Variants in TTLL13 observed in about 807,000 individuals in gnomAD.
TTLL13 encodes the protein tubulin polyglutamylase TTLL13.
At chr15:90,251,613 G>C in the TTLL13 span, 2 of 1,612,186 alleles carry the variant, frequency 1.2e-6, no homozygotes, top group Non-Finnish European at 1.7e-6. Context: ...CCAGCCCGTC[G>C]CTCACACTGT....
chr15:90,255,938 C>T, the TTLL13 span: 1 of 1,612,242 alleles, frequency 6.2e-7, no homozygotes, highest in Non-Finnish European at 8.5e-7. Flanking sequence ...AAAAGGGTCG[C>T]TCTCAGAGCT....
At chr15:90,252,490 T>A in the TTLL13 span, among the ~76,000 whole-genome samples, 1 of 152,146 alleles carries the variant, frequency 6.6e-6, no homozygotes, top group Admixed American at 6.6e-5. Context: ...CCTTCCCAGA[T>A]TTTACCAGAG....
chr15:90,256,391 C>A, the TTLL13 span: 1 of 1,491,684 alleles, frequency 6.7e-7, no homozygotes, highest in Non-Finnish European at 9.2e-7. Context: ...TGGTCTTAGG[C>A]TTCTACCCTT....
At chr15:90,255,787 C>T in the TTLL13 span, 11 of 1,614,198 alleles carry the variant, frequency 6.8e-6, no homozygotes, top group Non-Finnish European at 9.3e-6. Flanking sequence ...TGACAGAAAT[C>T]TGCCGCAAAG....
the TTLL13 span, chr15:90,258,472 G>A: frequency 0.012 from 7,510 of 628,714 alleles, 279 homozygotes; most frequent in African/African-American, 0.1. Flanking sequence ...GGCCTCTACC[G>A]TAGGAATGCA....
At chr15:90,262,876 T>C in the TTLL13 span, 1 of 1,374,246 alleles carries the variant, frequency 7.3e-7, no homozygotes, top group Non-Finnish European at 9.7e-7. Context: ...GGGATGAGGG[T>C]AGAGTGGGCA....
At chr15:90,261,727 CAG>C in the TTLL13 span, among the ~76,000 whole-genome samples, 1 of 152,180 alleles carries the variant, frequency 6.6e-6, no homozygotes, top group East Asian at 1.9e-4. Context: ...TTACAGTGAG[CAG>C]AGATTGTGCC....
the TTLL13 span, chr15:90,257,774 C>T: frequency 6.4e-7 from 1 of 1,558,652 alleles, no homozygotes; most frequent in Admixed American, 1.7e-5. Context: ...GCCCCACAGT[C>T]CCAGTAGCCC....
At chr15:90,256,298 G>A in the TTLL13 span, 2 of 1,614,122 alleles carry the variant, frequency 1.2e-6, no homozygotes, top group Non-Finnish European at 1.7e-6. Context: ...CATCTCCAAG[G>A]TGAAGGATGC....
At chr15:90,251,027 AC>A in the TTLL13 span, 2 of 1,151,302 alleles carry the variant, frequency 1.7e-6, no homozygotes, top group Non-Finnish European at 2.4e-6. Context: ...AGTGTCATTA[AC>A]CCTTTGATAC....
At chr15:90,256,555 T>TTCTC in the TTLL13 span, among the ~76,000 whole-genome samples, 2 of 38,956 alleles carry the variant, frequency 5.1e-5, no homozygotes, top group Non-Finnish European at 1.0e-4. Context: ...TTTTCTTTCT[T>TTCTC]TCTTTCTTTC....
At chr15:90,256,083 G>T in the TTLL13 span, 1 of 1,593,420 alleles carries the variant, frequency 6.3e-7, no homozygotes, top group Non-Finnish European at 8.6e-7. Context: ...AGCTCCATGC[G>T]GCCCCGGGAA....
chr15:90,254,858 A>T, the TTLL13 span, among the ~76,000 whole-genome samples: 2 of 143,012 alleles, frequency 1.4e-5, no homozygotes, highest in African/African-American at 6.0e-5. Flanking sequence ...GGAAGGGGGA[A>T]AAAAAAAGGA....
chr15:90,265,200 C>A, the TTLL13 span: 31 of 1,343,310 alleles, frequency 2.3e-5, no homozygotes, highest in Non-Finnish European at 2.8e-5. Flanking sequence ...CAGCCATGTA[C>A]TCATTTCTGC....
chr15:90,257,896 T>A, the TTLL13 span: 1 of 943,834 alleles, frequency 1.1e-6, no homozygotes, highest in Non-Finnish European at 1.6e-6. Context: ...AACCTCACCC[T>A]GATAACTAGT....
chr15:90,262,113 A>G, the TTLL13 span: 1 of 1,536,028 alleles, frequency 6.5e-7, no homozygotes, highest in East Asian at 2.4e-5. Flanking sequence ...GACACAGAGA[A>G]GTATGCCCGC....
At chr15:90,256,630 CTTCCTTCCTTCTTTCT>C in the TTLL13 span, among the ~76,000 whole-genome samples, 1 of 58,074 alleles carries the variant, frequency 1.7e-5, no homozygotes, top group African/African-American at 6.1e-5. Context: ...TCCTTCCTTC[CTTCCTTCCTTCTTTCT>C]TTCTCCCTTT....
chr15:90,253,325 C>T, the TTLL13 span: 48 of 1,613,336 alleles, frequency 3.0e-5, no homozygotes, highest in Non-Finnish European at 3.8e-5. Context: ...GGACAGACTG[C>T]GCTGTCTCAC....
the TTLL13 span, chr15:90,265,383 G>A: frequency 8.0e-7 from 1 of 1,246,412 alleles, no homozygotes; most frequent in South Asian, 1.8e-5. Flanking sequence ...TGCCCACCGA[G>A]GTGGCGGAGA....
Sources: allele counts gnomAD v4.1 joint callset (sites outside exome capture counted in the v4.1 genomes callset), GRCh38; gene constraint gnomAD v4.1.1; transcripts MANE v1.5; gene names NCBI Gene and HGNC (gene_info 2026-07-23, HGNC 2026-07-21).